KCNMB2: variants seen among roughly 807,000 people sequenced by gnomAD.
KCNMB2 encodes calcium-activated potassium channel subunit beta-2.
Under a neutral mutation model 24.5 loss-of-function variants are expected in KCNMB2, and 9 were observed. That is an observed-to-expected ratio of 0.37 (90% CI 0.22 to 0.64). The LOEUF (loss-of-function observed/expected upper bound fraction) is 0.64. KCNMB2 is among the 30% of genes least tolerant of loss of function. The pLI is 0.63. For synonymous variants in KCNMB2, 109 were observed against 104.4 expected (o/e 1.04, Z -0.27); for missense variants, 226 against 284.3 (o/e 0.79, Z 1.47).
chr3:178,815,255 C>G (rs977622198), intron 2 of KCNMB2, among the ~76,000 whole-genome samples: 1 of 152,002 alleles, frequency 6.6e-6, no homozygotes, highest in Admixed American at 6.6e-5. Context: ...CCTCCCACCT[C>G]GGCCCCCCAT....
At chr3:178,751,458 T>C (rs1723843562) in intron 1 of KCNMB2, among the ~76,000 whole-genome samples, 1 of 151,032 alleles carries the variant, frequency 6.6e-6, no homozygotes, top group African/African-American at 2.4e-5. Context: ...CAGGCACCTG[T>C]AATCCCAGCT....
intron 1 of KCNMB2, among the ~76,000 whole-genome samples, chr3:178,713,634 C>T (rs1478146541): frequency 6.6e-6 from 1 of 152,156 alleles, no homozygotes; most frequent in African/African-American, 2.4e-5. Context: ...CTCTTCACCC[C>T]ACCCCCATAG....
intron 1 of KCNMB2, among the ~76,000 whole-genome samples, chr3:178,628,884 C>T (rs916956170): frequency 1.3e-5 from 2 of 152,144 alleles, no homozygotes; most frequent in African/African-American, 4.8e-5. Flanking sequence ...AAAACACATA[C>T]TTGGTTTTAA....
At chr3:178,537,221 C>T (rs1715438809) in intron 1 of KCNMB2, 1 of 152,190 alleles carries the variant, frequency 6.6e-6, no homozygotes, top group African/African-American at 2.4e-5. Context: ...TGACAAAGAA[C>T]TATTTCCTAT....
At chr3:178,769,349 G>A (rs1470282627) in intron 1 of KCNMB2, among the ~76,000 whole-genome samples, 1 of 152,156 alleles carries the variant, frequency 6.6e-6, no homozygotes, top group Admixed American at 6.6e-5. Context: ...ACCAGTTCTT[G>A]CACCAGGACA....
At chr3:178,614,520 T>A (rs1718637457) in intron 1 of KCNMB2, among the ~76,000 whole-genome samples, 1 of 151,462 alleles carries the variant, frequency 6.6e-6, no homozygotes, top group South Asian at 2.1e-4. Flanking sequence ...TTCACTATCA[T>A]GAGAACAGCA....
intron 1 of KCNMB2, among the ~76,000 whole-genome samples, chr3:178,759,655 C>CT (rs1711627355): frequency 2.1e-5 from 2 of 95,316 alleles, no homozygotes; most frequent in African/African-American, 8.4e-5. Flanking sequence ...ATATATATCT[C>CT]CAAGAGGGAT....
chr3:178,799,448 A>T (rs1387993159), intron 1 of KCNMB2, among the ~76,000 whole-genome samples: 1 of 152,184 alleles, frequency 6.6e-6, no homozygotes, highest in East Asian at 1.9e-4. Context: ...AAATAAAAAA[A>T]AATCTGGGAA....
intron 1 of KCNMB2, among the ~76,000 whole-genome samples, chr3:178,683,665 T>C (rs1313965595): frequency 6.6e-6 from 1 of 152,232 alleles, no homozygotes; most frequent in Non-Finnish European, 1.5e-5. Flanking sequence ...CTAGTCGTTA[T>C]TGCATCAGAC....
chr3:178,818,678 C>G (rs1714502114), intron 2 of KCNMB2, among the ~76,000 whole-genome samples: 1 of 152,158 alleles, frequency 6.6e-6, no homozygotes, highest in Non-Finnish European at 1.5e-5. Context: ...GAATCAGTCC[C>G]TTTGTCTCCA....
In KCNMB2 at chr3:178,658,838, G is replaced by T. The variant is rs186742682; in HGVS notation, c.-68+122127G>T. Among the ~76,000 whole-genome samples the T allele has an allele frequency of 4.6e-5, 7 of 152,318 alleles. No individual in the cohort carries two copies. The East Asian group carries it at 1.3e-3, about 29-fold the overall frequency. The stretch of plus-strand genomic sequence containing the variant: ...CAGATTATTACATCAAAAGCCTACA[G>T]AATGCTCAGAATGTTATCTTCCTGA... On this transcript the variant is annotated intron_variant, in intron 1 of 4. Coordinates refer to ENST00000452583, the MANE Select transcript of KCNMB2 (RefSeq NM_181361.3).
chr3:178,706,803 G>A (rs1006128545), intron 1 of KCNMB2, among the ~76,000 whole-genome samples: 4 of 152,058 alleles, frequency 2.6e-5, no homozygotes, highest in Non-Finnish European at 2.9e-5. Flanking sequence ...GAAAACACCA[G>A]ACTCCTCTAC....
At chr3:178,657,137 C>A (rs1449129301) in intron 1 of KCNMB2, among the ~76,000 whole-genome samples, 1 of 152,174 alleles carries the variant, frequency 6.6e-6, no homozygotes, top group Admixed American at 6.5e-5. Flanking sequence ...TAGTAAGTAG[C>A]AGAGGCAATA....
At chr3:178,738,789 C>T (rs982460799) in intron 1 of KCNMB2, among the ~76,000 whole-genome samples, 3 of 152,142 alleles carry the variant, frequency 2.0e-5, no homozygotes, top group Admixed American at 6.5e-5. Flanking sequence ...GAAACATAAA[C>T]CCCTGAGGGC....
intron 1 of KCNMB2, among the ~76,000 whole-genome samples, chr3:178,639,265 T>C (rs1462149158): frequency 2.0e-5 from 3 of 152,234 alleles, no homozygotes; most frequent in African/African-American, 7.2e-5. Context: ...ATCATATCAC[T>C]ATTTTCCAGA....
chr3:178,652,965 C>G (rs1720187017), intron 1 of KCNMB2, among the ~76,000 whole-genome samples: 1 of 152,010 alleles, frequency 6.6e-6, no homozygotes, highest in African/African-American at 2.4e-5. Context: ...TCCCAGTCCT[C>G]TATATACTGT....
At chr3:178,579,586 T>C (rs1717122683) in intron 1 of KCNMB2, among the ~76,000 whole-genome samples, 1 of 152,146 alleles carries the variant, frequency 6.6e-6, no homozygotes, top group African/African-American at 2.4e-5. Flanking sequence ...CATGAGCTGG[T>C]TTATTTGAAA....
At chr3:178,708,838 G>T (rs1055606575) in intron 1 of KCNMB2, among the ~76,000 whole-genome samples, 23 of 152,066 alleles carry the variant, frequency 1.5e-4, no homozygotes, top group Non-Finnish European at 2.9e-5. Flanking sequence ...AAGTGTGTCT[G>T]GTTTTTGTCT....
intron 1 of KCNMB2, among the ~76,000 whole-genome samples, chr3:178,597,714 A>G (rs1717927241): frequency 1.3e-5 from 2 of 152,172 alleles, no homozygotes; most frequent in Admixed American, 1.3e-4. Context: ...GTAATTTCAC[A>G]CAAATATACT....
Sources: gnomAD v4.1 joint callset for allele counts (sites outside exome capture counted in the v4.1 genomes callset) on GRCh38, gnomAD v4.1.1 for gene constraint, MANE v1.5 for transcripts, NCBI Gene and HGNC (gene_info 2026-07-23, HGNC 2026-07-21) for gene names.